The following POTEI variants were observed in gnomAD, a reference collection of about 807,000 sequenced individuals.
The protein encoded by POTEI is POTE ankyrin domain family, member I.
A neutral mutation model predicts 43.4 loss-of-function variants in POTEI; 14 were observed. The ratio of observed to expected loss-of-function variants is 0.32; its 90% CI spans 0.21 to 0.50. The LOEUF (loss-of-function observed/expected upper bound fraction) is 0.50. Ranked by LOEUF, POTEI falls within the 20% of genes least tolerant of loss-of-function variation. The probability of loss-of-function intolerance (pLI) is 0.98; values close to 1 mark genes in which losing one functional copy is unlikely to be tolerated. For synonymous variants in POTEI, 95 were observed against 297.9 expected (o/e 0.32, Z 7.01); for missense variants, 235 against 795.4 (o/e 0.30, Z 8.47).
rs1553471082 is a variant in POTEI at position 130,508,979 on chromosome 2, T to G, written c.257A>C (p.His86Pro). 7.9e-6 allele frequency: 12 copies of G among 1,515,874 alleles called. No homozygotes were observed. Among genetic ancestry groups the G allele is most frequent in the Non-Finnish European group, 9.9e-6 (11 of 1,106,462 alleles). 93.9% of individuals were successfully genotyped at this position (1,515,874 alleles called of 1,614,324 possible). The part of the protein sequence containing the change: ...GKSNVGTSGD[H>P]DDSAMKTLRS... ...GAGCGTCTTCATAGCGGAGTCGTCG[T>G]GGTCTCCAGAAGTGCCCACGTTGCT... Residue 86 changes from histidine (H) to proline (P), a missense_variant, in exon 1 of 15, where the codon CAC becomes CCC. His to Pro is a moderately conservative substitution (Grantham distance 77). Coordinates refer to ENST00000451531, the MANE Select transcript of POTEI (RefSeq NM_001277406.2).
intron 6 of POTEI, among the ~76,000 whole-genome samples, chr2:130,491,470 G>T (rs375624273): frequency 4.6e-4 from 61 of 133,400 alleles, no homozygotes; most frequent in African/African-American, 1.5e-3. Flanking sequence ...CGCTGAGCTG[G>T]TGCGAACCTA....
At chr2:130,468,703 T>TGTG (rs749600927) in intron 13 of POTEI, among the ~76,000 whole-genome samples, 8,311 of 60,330 alleles carry the variant, frequency 0.14, 122 homozygotes, top group South Asian at 0.28. Flanking sequence ...GCCAAACTAT[T>TGTG]GGGGGGGGGG....
At position 130,508,864 on chromosome 2, in the gene POTEI, G is replaced by A. The variant is rs1201223564; in HGVS notation, c.372C>T (p.Asp124=). ...KSNVGAWGDY[D]DSAFVEPRYH... ...ATCTCGGCTCCACGAAGGCGCTGTC[G>A]TCGTAGTCTCCCCAAGCACCCACGT... The change falls in exon 1 of 15, where the codon GAC becomes GAT. Residue 124 remains aspartate, a synonymous_variant. Transcript: ENST00000451531. 16 of 1,576,414 alleles carry A rather than the reference G, an allele frequency of 1.0e-5. 1 individual carries two copies. Among genetic ancestry groups the A allele is most frequent in the Admixed American group, 1.8e-5 (1 of 56,278 alleles).
Position 130,460,136 on chromosome 2 carries a change from T to C in POTEI, c.*2680A>G, listed in dbSNP as rs1682579947. On this transcript the variant is annotated 3_prime_UTR_variant, in exon 15 of 15. Transcript: ENST00000451531. ...TGGTACAGTCCACTAGCACGGAAGCTATGGTGTGGGCATCTAAGAGTGCCC... is the reference window on the plus strand; with the variant it reads ...TGGTACAGTCCACTAGCACGGAAGCCATGGTGTGGGCATCTAAGAGTGCCC... 6.6e-6 allele frequency: 1 copy of C among 150,648 alleles called. No homozygotes were observed. The highest frequency in any genetic ancestry group is 1.5e-5 in the Non-Finnish European group (1 of 68,188). The allele number at this position is 150,648 out of a possible 1,614,324, so 9.3% of individuals were successfully genotyped here. A position where few individuals can be genotyped will look rare whatever the true frequency, so the allele number is the denominator to read the frequency against.
chr2:130,483,362 AAAAAT>A (rs200421689), intron 9 of POTEI, among the ~76,000 whole-genome samples: 10,453 of 61,984 alleles, frequency 0.17, 24 homozygotes, highest in Non-Finnish European at 0.24. Context: ...TCCATCTCAA[AAAAAT>A]AAAATAAAAT....
At chr2:130,468,776 A>G (rs1351858464) in intron 13 of POTEI, among the ~76,000 whole-genome samples, 1 of 152,180 alleles carries the variant, frequency 6.6e-6, no homozygotes, top group African/African-American at 2.4e-5. Flanking sequence ...AATTTTTATT[A>G]CTTATGATTT....
intron 13 of POTEI, among the ~76,000 whole-genome samples, chr2:130,467,742 C>G (rs538301229): frequency 3.9e-5 from 6 of 152,100 alleles, no homozygotes; most frequent in Admixed American, 1.3e-4. Flanking sequence ...CTATAACCTA[C>G]AAGAAACTCA....
At chr2:130,497,640 G>C (rs3933631) in intron 5 of POTEI, 521 of 41,454 alleles carry the variant, frequency 0.013, 3 homozygotes, top group African/African-American at 0.03. Context: ...TTTTGCAGCA[G>C]AAATCACAAT....
At chr2:130,467,723 G>A (rs114532068) in intron 13 of POTEI, among the ~76,000 whole-genome samples, 5,412 of 149,832 alleles carry the variant, frequency 0.036, 6 homozygotes, top group African/African-American at 0.13. Context: ...GCTAACAAAC[G>A]ACTAATATCT....
intron 13 of POTEI, among the ~76,000 whole-genome samples, chr2:130,468,419 T>C (rs1682922085): frequency 6.6e-6 from 1 of 152,364 alleles, no homozygotes; most frequent in African/African-American, 2.4e-5. Context: ...TGATTCACAG[T>C]TACGCATGGC....
Position 130,462,471 on chromosome 2 carries a change from T to C in POTEI, c.*345A>G, listed in dbSNP as rs1198924691. The C allele has an allele frequency of 1.3e-5, 4 of 301,016 alleles. No homozygotes were observed. The highest frequency in any genetic ancestry group is 4.1e-5 in the South Asian group (1 of 24,368). 18.6% of individuals were successfully genotyped at this position (301,016 alleles called of 1,614,324 possible). ...ATGCTATCACCTCCCCTGTGTGAAC[T>C]AGGGAGAGGACTGGGCCATTCTCCT... is the stretch of plus-strand genomic sequence containing the variant. On this transcript the variant is annotated 3_prime_UTR_variant, in exon 15 of 15. Coordinates refer to ENST00000451531, the MANE Select transcript of POTEI (RefSeq NM_001277406.2).
At chr2:130,484,210 C>T (rs1683506180) in intron 9 of POTEI, among the ~76,000 whole-genome samples, 1 of 149,408 alleles carries the variant, frequency 6.7e-6, no homozygotes. Flanking sequence ...TTTTTTTTTT[C>T]TAATACAAAA....
chr2:130,496,503 A>T, intron 6 of POTEI, 49 bp downstream of exon 6: 1 of 1,322,310 alleles, frequency 7.6e-7, no homozygotes, highest in South Asian at 1.4e-5. Flanking sequence ...CCTGGTGTCA[A>T]AAAGGTTGGG....
intron 13 of POTEI, among the ~76,000 whole-genome samples, chr2:130,467,800 A>G (rs1682887686): frequency 6.7e-6 from 1 of 150,182 alleles, no homozygotes; most frequent in Non-Finnish European, 1.5e-5. Flanking sequence ...AAAGTGGCCA[A>G]ATTACATGAA....
At chr2:130,478,965 C>T (rs1187348381) in intron 10 of POTEI, among the ~76,000 whole-genome samples, 3 of 105,658 alleles carry the variant, frequency 2.8e-5, no homozygotes, top group Non-Finnish European at 1.9e-5. Flanking sequence ...TTCCATTAAA[C>T]ATGCATAGAA....
intron 1 of POTEI, among the ~76,000 whole-genome samples, chr2:130,504,953 G>A (rs1348014903): frequency 1.0e-5 from 1 of 99,150 alleles, no homozygotes; most frequent in Non-Finnish European, 2.1e-5. Flanking sequence ...TGGATGTGCA[G>A]GTTTGTTACA....
chr2:130,474,117 G>T (rs144744161), intron 13 of POTEI, among the ~76,000 whole-genome samples: 1 of 147,830 alleles, frequency 6.8e-6, no homozygotes, highest in African/African-American at 2.6e-5. Context: ...ACACGTACCC[G>T]AAGCTAAAAT....
intron 5 of POTEI, 48 bp from the exon 6 acceptor site, chr2:130,496,670 T>C: frequency 1.3e-6 from 2 of 1,514,038 alleles, no homozygotes; most frequent in Admixed American, 2.1e-5. Flanking sequence ...AATACTGATA[T>C]AAAAAAACTT....
intron 1 of POTEI, among the ~76,000 whole-genome samples, chr2:130,507,266 A>G (rs1684184596): frequency 8.0e-5 from 1 of 12,500 alleles, no homozygotes; most frequent in African/African-American, 1.5e-4. Flanking sequence ...TCCACCAAAA[A>G]AAAAAGGATA....
Sources: gnomAD v4.1 joint callset for allele counts (sites outside exome capture counted in the v4.1 genomes callset) on GRCh38, gnomAD v4.1.1 for gene constraint, MANE v1.5 for transcripts, NCBI Gene and HGNC (gene_info 2026-07-23, HGNC 2026-07-21) for gene names.